PRKG2: variants seen among roughly 807,000 people sequenced by gnomAD.
The protein encoded by PRKG2 is protein kinase cGMP-dependent 2, also known as cGMP-dependent protein kinase 2.
PRKG2 carries 33 observed loss-of-function variants against 97.2 expected under a neutral mutation model. The observed-to-expected ratio is 0.34, with a 90% CI of 0.26 to 0.45. PRKG2 has a LOEUF of 0.45. Ranked by LOEUF, PRKG2 falls within the 20% of genes least tolerant of loss-of-function variation. The probability of loss-of-function intolerance (pLI) is 1.00; values close to 1 mark genes in which losing one functional copy is unlikely to be tolerated. For synonymous variants in PRKG2, 330 were observed against 321.8 expected (o/e 1.03, Z -0.27); for missense variants, 638 against 900.0 (o/e 0.71, Z 3.73).
At chr4:81,188,335 A>G (rs1196158266) in intron 2 of PRKG2, among the ~76,000 whole-genome samples, 2 of 150,024 alleles carry the variant, frequency 1.3e-5, no homozygotes, top group African/African-American at 5.1e-5. Context: ...ACCATCTCAC[A>G]TCAGTTAGAA....
At chr4:81,090,058 A>G (rs913343464) in intron 18 of PRKG2, among the ~76,000 whole-genome samples, 1 of 152,150 alleles carries the variant, frequency 6.6e-6, no homozygotes, top group African/African-American at 2.4e-5. Context: ...GTTTTCCTAA[A>G]GAAAAAGTTC....
intron 17 of PRKG2, among the ~76,000 whole-genome samples, chr4:81,098,519 G>A (rs1742359940): frequency 6.6e-6 from 1 of 152,096 alleles, no homozygotes; most frequent in Non-Finnish European, 1.5e-5. Flanking sequence ...TCTTCACTAA[G>A]CTTAATAATT....
chr4:81,096,770 T>G lies in PRKG2; in HGVS notation c.2127-4318A>C, dbSNP rs549251928. Among the ~76,000 whole-genome samples, 205 of 152,334 alleles carry G rather than the reference T, an allele frequency of 1.3e-3. No individual in the cohort carries two copies. The Middle Eastern group carries it at 0.017, about 13-fold the overall frequency. ...CATTAGATTGCAACATTCAGTTGTA[T>G]GTTCAGGCTTCAATTCAAATTCTAG... On this transcript the variant is annotated intron_variant, in intron 17 of 18. Coordinates refer to ENST00000264399, the MANE Select transcript of PRKG2 (RefSeq NM_006259.3).
chr4:81,094,139 G>T (rs1741881303), intron 17 of PRKG2, among the ~76,000 whole-genome samples: 1 of 152,132 alleles, frequency 6.6e-6, no homozygotes, highest in East Asian at 1.9e-4. Flanking sequence ...TTCCTGTCAG[G>T]AAAGATTTAG....
chr4:81,216,490 A>G (rs1754277076), upstream of PRKG2, among the ~76,000 whole-genome samples: 1 of 152,172 alleles, frequency 6.6e-6, no homozygotes, highest in South Asian at 2.1e-4. Flanking sequence ...TTTATTAGCG[A>G]TTTAATGACA....
chr4:81,192,019 T>C (rs1752565138), intron 2 of PRKG2, among the ~76,000 whole-genome samples: 1 of 152,204 alleles, frequency 6.6e-6, no homozygotes, highest in African/African-American at 2.4e-5. Context: ...ACAAAAATGT[T>C]CATGGCAGCA....
intron 8 of PRKG2, 102 bp downstream of exon 8, chr4:81,151,858 T>G (rs1481022556): frequency 5.9e-6 from 5 of 845,100 alleles, no homozygotes; most frequent in South Asian, 3.1e-5. Context: ...GGATATTTGT[T>G]GCCATTAACT....
chr4:81,115,491 C>T (rs1329861611), intron 14 of PRKG2, among the ~76,000 whole-genome samples: 1 of 152,190 alleles, frequency 6.6e-6, no homozygotes, highest in Non-Finnish European at 1.5e-5. Flanking sequence ...GTTTGCCAAG[C>T]TTCACAAAAA....
At chr4:81,161,601 G>A (rs1749595876) in intron 6 of PRKG2, among the ~76,000 whole-genome samples, 1 of 152,088 alleles carries the variant, frequency 6.6e-6, no homozygotes, top group Admixed American at 6.6e-5. Flanking sequence ...TTCACCTGCA[G>A]GATAAGATCC....
intron 9 of PRKG2, among the ~76,000 whole-genome samples, chr4:81,145,838 T>A (rs1443797247): frequency 6.6e-6 from 1 of 152,102 alleles, no homozygotes; most frequent in Non-Finnish European, 1.5e-5. Flanking sequence ...AAAGAGTGAG[T>A]TTACCTCAAA....
intron 2 of PRKG2, among the ~76,000 whole-genome samples, chr4:81,191,618 A>C (rs572827508): frequency 6.6e-6 from 1 of 152,222 alleles, no homozygotes; most frequent in South Asian, 2.1e-4. Context: ...ATTCTGGGAC[A>C]GAAAAGAAAA....
chr4:81,194,746 T>G (rs1560620671), intron 2 of PRKG2, among the ~76,000 whole-genome samples: 1 of 152,222 alleles, frequency 6.6e-6, no homozygotes, highest in African/African-American at 2.4e-5. Context: ...TATCATTGTG[T>G]TGCATGGTAA....
intron 1 of PRKG2, among the ~76,000 whole-genome samples, chr4:81,210,211 A>G (rs2110136300): frequency 6.6e-6 from 1 of 152,196 alleles, no homozygotes; most frequent in South Asian, 2.1e-4. Flanking sequence ...AGCCTGATTC[A>G]TAGACAGAAA....
At chr4:81,121,256 A>G (rs1383005775) in intron 14 of PRKG2, among the ~76,000 whole-genome samples, 1 of 151,368 alleles carries the variant, frequency 6.6e-6, no homozygotes, top group African/African-American at 2.4e-5. Context: ...GTAGTTTTTT[A>G]TTTTTTTTCC....
intron 12 of PRKG2, among the ~76,000 whole-genome samples, chr4:81,138,569 T>C (rs1746948259): frequency 6.6e-6 from 1 of 152,052 alleles, no homozygotes. Flanking sequence ...TATATATTCA[T>C]TGAAAAAAAA....
At chr4:81,143,065 G>T in intron 10 of PRKG2, 118 bp from the exon 11 acceptor site, 1 of 1,269,104 alleles carries the variant, frequency 7.9e-7, no homozygotes, top group East Asian at 2.4e-5. Context: ...ATTTATAGTT[G>T]CCACAAAGGC....
intron 6 of PRKG2, among the ~76,000 whole-genome samples, chr4:81,161,591 T>G (rs1749595656): frequency 6.6e-6 from 1 of 152,112 alleles, no homozygotes; most frequent in Non-Finnish European, 1.5e-5. Flanking sequence ...GCTGGAAGGA[T>G]TCACCTGCAG....
intron 17 of PRKG2, among the ~76,000 whole-genome samples, chr4:81,096,305 G>A (rs1742109225): frequency 2.0e-5 from 3 of 152,112 alleles, no homozygotes; most frequent in Admixed American, 6.6e-5. Context: ...ACTTTGGGAG[G>A]CTAATGTGGG....
rs114691178 is a variant in PRKG2 at position 81,186,906 on chromosome 4, C to T, written c.462-11947G>A. On this transcript the variant is annotated intron_variant, in intron 2 of 18. Coordinates refer to ENST00000264399, the MANE Select transcript of PRKG2 (RefSeq NM_006259.3). ...TGGATAAATACCTGGACACATAAAC[C>T]CTCCCAAGATTAGACCAGGAACAAG... Among the ~76,000 whole-genome samples the T allele has an allele frequency of 7.7e-3, 1,166 of 152,056 alleles. 13 individuals are homozygous for T. Among genetic ancestry groups the T allele is most frequent in the African/African-American group, 0.026 (1,093 of 41,476 alleles).
Sources: gnomAD v4.1 joint callset for allele counts (sites outside exome capture counted in the v4.1 genomes callset) on GRCh38, gnomAD v4.1.1 for gene constraint, MANE v1.5 for transcripts, NCBI Gene and HGNC (gene_info 2026-07-23, HGNC 2026-07-21) for gene names.